Variants in ABHD6 observed in about 807,000 individuals in gnomAD.
ABHD6 encodes monoacylglycerol lipase ABHD6.
ABHD6 carries 33 observed loss-of-function variants against 38.8 expected under a neutral mutation model. That is an observed-to-expected ratio of 0.85 (90% confidence interval 0.64 to 1.14). The LOEUF (loss-of-function observed/expected upper bound fraction) is 1.14. ABHD6 is among the 50% of genes most tolerant of loss of function. The pLI is 0.00. For synonymous variants in ABHD6, 147 were observed against 161.6 expected (o/e 0.91, Z 0.69); for missense variants, 380 against 422.6 (o/e 0.90, Z 0.88).
At chr3:58,245,079 A>G (rs994393253) in intron 1 of ABHD6, among the ~76,000 whole-genome samples, 2 of 152,200 alleles carry the variant, frequency 1.3e-5, no homozygotes, top group Non-Finnish European at 2.9e-5. Context: ...AAAGCCTGCC[A>G]GTGTTTATTA....
intron 3 of ABHD6, among the ~76,000 whole-genome samples, chr3:58,261,038 T>C (rs922679042): frequency 1.3e-5 from 2 of 152,242 alleles, no homozygotes; most frequent in African/African-American, 4.8e-5. Context: ...ACACCGGGGA[T>C]GCTGTGGCCA....
At chr3:58,243,882 T>C (rs905700318) in intron 1 of ABHD6, among the ~76,000 whole-genome samples, 1 of 152,074 alleles carries the variant, frequency 6.6e-6, no homozygotes, top group Admixed American at 6.6e-5. Context: ...CAGGCTGGTC[T>C]CAAACCTCAA....
intron 1 of ABHD6, among the ~76,000 whole-genome samples, chr3:58,241,607 T>C (rs143718795): frequency 6.6e-6 from 1 of 152,334 alleles, no homozygotes; most frequent in Non-Finnish European, 1.5e-5. Context: ...CCTTGTGATA[T>C]ACCCAGAAAA....
Position 58,293,133 on chromosome 3 carries a change from G to A in ABHD6, c.838-456G>A, listed in dbSNP as rs534327261. Reference sequence around the variant, plus strand: ...GCCACCCCCACTGCCCATGTGCTTGGTGTCTCAGCCGCCGTGCTCCTTGGT... The same window carrying A: ...GCCACCCCCACTGCCCATGTGCTTGATGTCTCAGCCGCCGTGCTCCTTGGT... On this transcript the variant is annotated intron_variant, in intron 9 of 9. Transcript: ENST00000478253. The surrounding 1 kb of genome is among the most constrained non-coding windows in gnomAD (Gnocchi z 4.4). Among the ~76,000 whole-genome samples, 1 of 152,096 alleles carries A rather than the reference G, an allele frequency of 6.6e-6. No homozygotes were observed. The highest frequency in any genetic ancestry group is 2.4e-5 in the African/African-American group (1 of 41,486).
intron 7 of ABHD6, among the ~76,000 whole-genome samples, chr3:58,280,933 C>T: frequency 6.6e-6 from 1 of 152,194 alleles, no homozygotes; most frequent in Non-Finnish European, 1.5e-5. Context: ...GTCTGCAGAA[C>T]AGCAAATATT....
chr3:58,290,479 C>G (rs1575534513), intron 9 of ABHD6, among the ~76,000 whole-genome samples: 1 of 128,050 alleles, frequency 7.8e-6, no homozygotes, highest in East Asian at 2.7e-4. Context: ...GCTGACCCCC[C>G]CACCTCCCTC....
chr3:58,289,992 C>T (rs1158373813), intron 9 of ABHD6, among the ~76,000 whole-genome samples: 1 of 140,782 alleles, frequency 7.1e-6, no homozygotes, highest in Non-Finnish European at 1.5e-5. Flanking sequence ...GGGCGGGGGG[C>T]TGACCCCCCC....
Position 58,293,765 on chromosome 3 carries a change from AG to A in ABHD6, c.*2del. The stretch of plus-strand genomic sequence containing the variant: ...CAGACAACAACAAGAAGCTGGACTG[AG>A]GCCCCGACTGCAGCCTGCATTCTGC... On this transcript the variant is annotated 3_prime_UTR_variant, in exon 10 of 10. Coordinates refer to ENST00000478253, the MANE Select transcript of ABHD6 (RefSeq NM_001320126.2). The surrounding 1 kb of genome is among the most constrained non-coding windows in gnomAD (Gnocchi z 4.4). 1 of 1,613,510 alleles carries A rather than the reference AG, an allele frequency of 6.2e-7. No individual in the cohort carries two copies.
rs2097430733 is a variant in ABHD6 at position 58,252,528 on chromosome 3, CCA to C, written c.-26+2590_-26+2591del. 3.3e-5 allele frequency among the ~76,000 whole-genome samples: 5 copies of C among 152,012 alleles called. No homozygotes were observed. The South Asian group carries it at 1.0e-3, about 31-fold the overall frequency. ...CACGCCCAGCTGTGGTTTAACACCA[CCA>C]CACTGAGAGTTTCTCTTTGACCCAA... On this transcript the variant is annotated intron_variant, in intron 2 of 9. Coordinates refer to ENST00000478253, the MANE Select transcript of ABHD6 (RefSeq NM_001320126.2).
chr3:58,254,429 CTG>C (rs2097431880), intron 2 of ABHD6, among the ~76,000 whole-genome samples: 2 of 152,246 alleles, frequency 1.3e-5, no homozygotes, highest in South Asian at 4.1e-4. Context: ...AATAGAGACT[CTG>C]TGTCCCACAG....
At chr3:58,258,846 G>T (rs920452425) in intron 3 of ABHD6, among the ~76,000 whole-genome samples, 3 of 152,142 alleles carry the variant, frequency 2.0e-5, no homozygotes, top group African/African-American at 7.2e-5. Context: ...TCTGGGGGCG[G>T]GAGTGGGGAG....
At chr3:58,271,662 G>C (rs147148891) in intron 6 of ABHD6, among the ~76,000 whole-genome samples, 2,316 of 150,188 alleles carry the variant, frequency 0.015, 46 homozygotes, top group African/African-American at 0.054. Flanking sequence ...GTTTGAAGTT[G>C]GATTTTTAAA....
At chr3:58,282,529 C>T (rs745475688) in intron 7 of ABHD6, among the ~76,000 whole-genome samples, 4 of 152,118 alleles carry the variant, frequency 2.6e-5, no homozygotes, top group African/African-American at 7.2e-5. Context: ...TGCAGGAGTT[C>T]GAGACCAGCC....
chr3:58,285,470 C>T lies in ABHD6; in HGVS notation c.837+17C>T, dbSNP rs763397184. On this transcript the variant is annotated intron_variant, in intron 9 of 9. Transcript: ENST00000478253. This position sits in a 1 kb window ranked among gnomAD's most constrained non-coding sequence, Gnocchi z 4.9. Reference sequence around the variant, plus strand: ...CAAGACCAGGTATGTAACACATCCCCGCGGCAGTCTGTGCTGGTCACCAGG... The same window carrying T: ...CAAGACCAGGTATGTAACACATCCCTGCGGCAGTCTGTGCTGGTCACCAGG... 1.6e-5 allele frequency: 26 copies of T among 1,601,936 alleles called. No individual in the cohort carries two copies. The highest frequency in any genetic ancestry group is 8.0e-5 in the African/African-American group (6 of 74,666).
At chr3:58,290,940 G>A (rs957944695) in intron 9 of ABHD6, among the ~76,000 whole-genome samples, 34 of 152,040 alleles carry the variant, frequency 2.2e-4, no homozygotes, top group Non-Finnish European at 4.0e-4. Flanking sequence ...GACGATGGGC[G>A]GCCAGGCAGA....
chr3:58,241,505 T>C (rs1327547296), intron 1 of ABHD6, among the ~76,000 whole-genome samples: 3 of 152,208 alleles, frequency 2.0e-5, no homozygotes, highest in Admixed American at 6.5e-5. Context: ...GTTGGGATCC[T>C]CTTCTTTTTA....
At chr3:58,284,677 C>T (rs1482655416) in intron 7 of ABHD6, among the ~76,000 whole-genome samples, 1 of 152,094 alleles carries the variant, frequency 6.6e-6, no homozygotes, top group Admixed American at 6.5e-5. Context: ...TCTTGAACTC[C>T]TGGCCTCAAG....
chr3:58,286,842 G>GTATATATATATATATA (rs1553721703), intron 9 of ABHD6, among the ~76,000 whole-genome samples: 1 of 36,404 alleles, frequency 2.7e-5, no homozygotes, highest in African/African-American at 1.1e-4. Flanking sequence ...GTGTGTGTGT[G>GTATATATATATATATA]TGTGTGTGTG....
At chr3:58,291,332 A>C (rs918714351) in intron 9 of ABHD6, among the ~76,000 whole-genome samples, 2 of 152,162 alleles carry the variant, frequency 1.3e-5, no homozygotes, top group East Asian at 1.9e-4. Context: ...GCAGCAGTAC[A>C]GTCCAGCTTC....
Sources: allele counts gnomAD v4.1 joint callset (sites outside exome capture counted in the v4.1 genomes callset), GRCh38; gene constraint gnomAD v4.1.1; non-coding constraint Gnocchi (gnomAD v3.1); transcripts MANE v1.5; gene names NCBI Gene and HGNC (gene_info 2026-07-23, HGNC 2026-07-21).